The following ZSWIM6 variants were observed in gnomAD, a reference collection of about 807,000 sequenced individuals.
The protein encoded by ZSWIM6 is zinc finger SWIM domain-containing protein 6.
Under a neutral mutation model 113.2 loss-of-function variants are expected in ZSWIM6, and 9 were observed. That is an observed-to-expected ratio of 0.08 (90% CI 0.05 to 0.14). ZSWIM6 has a LOEUF of 0.14. Among genes scored for constraint, ZSWIM6 ranks in the 10% least tolerant of loss-of-function variants. ZSWIM6 has a pLI of 1.00. For synonymous variants in ZSWIM6, 611 were observed against 606.5 expected (o/e 1.01, Z -0.11); for missense variants, 1,162 against 1,552.2 (o/e 0.75, Z 4.22).
intron 1 of ZSWIM6, among the ~76,000 whole-genome samples, chr5:61,398,884 G>C (rs1745890158): frequency 6.6e-6 from 1 of 151,308 alleles, no homozygotes; most frequent in Non-Finnish European, 1.5e-5. Flanking sequence ...AGGGCAGGGG[G>C]CTGAAGGAGA....
chr5:61,491,172 A>G (rs1048219257), intron 3 of ZSWIM6, among the ~76,000 whole-genome samples: 18 of 152,068 alleles, frequency 1.2e-4, no homozygotes, highest in African/African-American at 4.3e-4. Context: ...GATAATTTAT[A>G]CAATTTTGAA....
chr5:61,499,071 G>A (rs1459320650), intron 4 of ZSWIM6, among the ~76,000 whole-genome samples: 4 of 152,126 alleles, frequency 2.6e-5, no homozygotes. Context: ...TTCTTTTTGA[G>A]AACTGGAAAG....
At chr5:61,363,994 C>T (rs1247630029) in intron 1 of ZSWIM6, among the ~76,000 whole-genome samples, 1 of 131,700 alleles carries the variant, frequency 7.6e-6, no homozygotes, top group African/African-American at 2.8e-5. Context: ...CCCTCCCTTT[C>T]CTTCTTTCTT....
At position 61,525,993 on chromosome 5, in the gene ZSWIM6, G is replaced by A; in HGVS notation, c.1690+17G>A. The A allele has an allele frequency of 6.4e-7, 1 of 1,551,582 alleles. No homozygotes were observed. Among genetic ancestry groups the A allele is most frequent in the Non-Finnish European group, 8.7e-7 (1 of 1,146,718 alleles). The stretch of plus-strand genomic sequence containing the variant: ...TCTGGCATGGTAAGTGACCAAACCG[G>A]AAAGACATTTCCATGACTTACTTCT... On this transcript the variant is annotated intron_variant, in intron 6 of 13. Transcript: ENST00000252744.
At chr5:61,386,066 T>G (rs549452310) in intron 1 of ZSWIM6, among the ~76,000 whole-genome samples, 3 of 152,342 alleles carry the variant, frequency 2.0e-5, no homozygotes, top group Admixed American at 6.5e-5. Context: ...CTAATCTGCA[T>G]TTGGTTTTCA....
In ZSWIM6 at chr5:61,544,552, T is replaced by A. The variant is rs1749836801; in HGVS notation, c.*235T>A. 1.4e-5 allele frequency: 3 copies of A among 209,056 alleles called. No individual in the cohort carries two copies. Among genetic ancestry groups the A allele is most frequent in the African/African-American group, 6.9e-5 (3 of 43,264 alleles). The allele number at this position is 209,056 out of a possible 1,614,324, so 13.0% of individuals were successfully genotyped here. On this transcript the variant is annotated 3_prime_UTR_variant, in exon 14 of 14. Coordinates refer to ENST00000252744, the MANE Select transcript of ZSWIM6 (RefSeq NM_020928.2). ...ATTATTTTTTTTAATTTTTTTTTTC[T>A]GGTTTTGTATGAGAGAGAGGTTAAA...
At chr5:61,373,472 G>A (rs926940888) in intron 1 of ZSWIM6, among the ~76,000 whole-genome samples, 3 of 142,782 alleles carry the variant, frequency 2.1e-5, no homozygotes, top group African/African-American at 8.1e-5. Context: ...CCGCCTCCCC[G>A]GTACTCAGTA....
intron 1 of ZSWIM6, among the ~76,000 whole-genome samples, chr5:61,431,711 C>T (rs1366838410): frequency 8.5e-5 from 13 of 152,092 alleles, no homozygotes; most frequent in Admixed American, 8.5e-4. Context: ...CACCACTGCA[C>T]TCCAGCCTGG....
At chr5:61,389,700 C>T (rs547082028) in intron 1 of ZSWIM6, among the ~76,000 whole-genome samples, 6 of 152,044 alleles carry the variant, frequency 3.9e-5, no homozygotes, top group African/African-American at 1.4e-4. Context: ...ACAATTTTGA[C>T]AGATTTATTA....
chr5:61,457,005 C>T (rs930653014), intron 1 of ZSWIM6, among the ~76,000 whole-genome samples: 1 of 151,610 alleles, frequency 6.6e-6, no homozygotes, highest in Non-Finnish European at 1.5e-5. Flanking sequence ...GCTGCACCCA[C>T]TAACTCGTCA....
chr5:61,490,560 T>C (rs115398490), intron 2 of ZSWIM6, among the ~76,000 whole-genome samples: 136 of 152,178 alleles, frequency 8.9e-4, no homozygotes, highest in African/African-American at 3.2e-3. Flanking sequence ...TCTCTGAACC[T>C]AAAAAATAGA....
chr5:61,470,049 G>A (rs1747531081), intron 1 of ZSWIM6, among the ~76,000 whole-genome samples: 1 of 152,154 alleles, frequency 6.6e-6, no homozygotes, highest in South Asian at 2.1e-4. Flanking sequence ...TTATCTCCTG[G>A]TAGACTCTTT....
At chr5:61,531,019 G>A (rs530997653) in intron 8 of ZSWIM6, among the ~76,000 whole-genome samples, 1 of 152,084 alleles carries the variant, frequency 6.6e-6, no homozygotes, top group Non-Finnish European at 1.5e-5. Context: ...GATGACTCTT[G>A]GATAATAAAA....
intron 1 of ZSWIM6, among the ~76,000 whole-genome samples, chr5:61,415,488 A>T (rs1311140938): frequency 6.6e-6 from 1 of 151,354 alleles, no homozygotes; most frequent in Non-Finnish European, 1.5e-5. Flanking sequence ...GCTACTCGGG[A>T]GGCTGAGGCA....
chr5:61,404,169 G>A (rs574792085), intron 1 of ZSWIM6, among the ~76,000 whole-genome samples: 18 of 152,008 alleles, frequency 1.2e-4, no homozygotes, highest in Non-Finnish European at 2.1e-4. Context: ...CACCACGCCC[G>A]GCTAATTTTT....
intron 4 of ZSWIM6, among the ~76,000 whole-genome samples, chr5:61,508,800 T>G (rs1748697392): frequency 6.6e-6 from 1 of 152,120 alleles, no homozygotes; most frequent in Non-Finnish European, 1.5e-5. Context: ...AGTTTCTATA[T>G]ATAAGAAGTC....
At chr5:61,487,246 T>C (rs1457523487) in intron 2 of ZSWIM6, among the ~76,000 whole-genome samples, 1 of 152,130 alleles carries the variant, frequency 6.6e-6, no homozygotes, top group Non-Finnish European at 1.5e-5. Flanking sequence ...GTTTCATTGG[T>C]CTATGTGTCT....
chr5:61,345,241 C>A (rs1411788828), intron 1 of ZSWIM6, among the ~76,000 whole-genome samples: 1 of 152,112 alleles, frequency 6.6e-6, no homozygotes, highest in Admixed American at 6.5e-5. Context: ...TTGGCTAACT[C>A]ATTTGTGTGT....
chr5:61,541,825 C>G, intron 12 of ZSWIM6, 59 bp from the exon 13 acceptor site: 1 of 1,403,944 alleles, frequency 7.1e-7, no homozygotes. Context: ...TATCCCCCCC[C>G]TTTTTTTTCA....
Sources: allele counts gnomAD v4.1 joint callset (sites outside exome capture counted in the v4.1 genomes callset), GRCh38; gene constraint gnomAD v4.1.1; transcripts MANE v1.5; gene names NCBI Gene and HGNC (gene_info 2026-07-23, HGNC 2026-07-21).